The following DCC variants were observed in gnomAD, a reference collection of about 807,000 sequenced individuals.
The protein encoded by DCC is DCC netrin 1 receptor, also known as netrin receptor DCC.
In DCC, 58 loss-of-function variants were observed where a neutral mutation model predicts 172.5. That is an observed-to-expected ratio of 0.34 (90% CI 0.27 to 0.42). The LOEUF (loss-of-function observed/expected upper bound fraction) is 0.42. Among genes scored for constraint, DCC ranks in the 10% least tolerant of loss-of-function variants. DCC has a pLI of 1.00. For missense variants in DCC, 1,740 were observed against 1,791.0 expected (o/e 0.97, Z 0.51); for synonymous variants, 709 against 644.5 (o/e 1.10, Z -1.52).
chr18:52,713,081 C>G (rs887781541), intron 1 of DCC, among the ~76,000 whole-genome samples: 2 of 152,132 alleles, frequency 1.3e-5, no homozygotes, highest in South Asian at 4.1e-4. Flanking sequence ...AGTGCCTAGC[C>G]GGGAAATTTC....
At chr18:52,431,555 A>C (rs1417402614) in intron 1 of DCC, among the ~76,000 whole-genome samples, 1 of 152,126 alleles carries the variant, frequency 6.6e-6, no homozygotes, top group Non-Finnish European at 1.5e-5. Context: ...GAAAAAGAAA[A>C]AAGTATTGTT....
chr18:52,561,396 C>T (rs1568229994), intron 1 of DCC, among the ~76,000 whole-genome samples: 1 of 149,952 alleles, frequency 6.7e-6, no homozygotes, highest in African/African-American at 2.4e-5. Context: ...CACACACACA[C>T]ATATATAAAT....
chr18:52,806,850 A>T (rs1339268488), intron 2 of DCC, among the ~76,000 whole-genome samples: 1 of 152,148 alleles, frequency 6.6e-6, no homozygotes, highest in South Asian at 2.1e-4. Flanking sequence ...AGTCTTAGCC[A>T]GTTTGGTCAT....
chr18:53,107,163 C>G (rs1410673689), intron 7 of DCC, among the ~76,000 whole-genome samples: 2 of 151,710 alleles, frequency 1.3e-5, no homozygotes, highest in East Asian at 3.9e-4. Context: ...AGCCCCTATT[C>G]AAGATGGAGT....
In DCC at chr18:52,751,322, C is replaced by T. The variant is rs138911474; in HGVS notation, c.92-732C>T. ...TACTTTAACTGATTATACTTGCTTC[C>T]TCCCCTCAAGATTCTTAAATGAATT... On this transcript the variant is annotated intron_variant, in intron 1 of 28. Coordinates refer to ENST00000442544, the MANE Select transcript of DCC (RefSeq NM_005215.4). Among the ~76,000 whole-genome samples the T allele has an allele frequency of 8.2e-4, 125 of 152,308 alleles. 1 individual carries two copies. Among genetic ancestry groups the T allele is most frequent in the Non-Finnish European group, 1.1e-3 (74 of 68,010 alleles).
chr18:53,527,528 A>G (rs955950384), intron 28 of DCC, among the ~76,000 whole-genome samples: 1 of 152,048 alleles, frequency 6.6e-6, no homozygotes, highest in Admixed American at 6.6e-5. Context: ...AAATAAAAAA[A>G]TTGAAGGAGT....
chr18:52,491,566 A>T (rs1386906518), intron 1 of DCC, among the ~76,000 whole-genome samples: 1 of 152,144 alleles, frequency 6.6e-6, no homozygotes, highest in Non-Finnish European at 1.5e-5. Flanking sequence ...AGAATGCATT[A>T]TCATGGCGTA....
intron 2 of DCC, among the ~76,000 whole-genome samples, chr18:52,883,629 TG>T (rs1490309248): frequency 2.0e-5 from 3 of 152,058 alleles, no homozygotes; most frequent in Non-Finnish European, 4.4e-5. Flanking sequence ...TTTAATTTTT[TG>T]TTGTTTCTCT....
chr18:53,327,455 C>A (rs943234802), intron 14 of DCC, among the ~76,000 whole-genome samples: 1 of 151,248 alleles, frequency 6.6e-6, no homozygotes, highest in East Asian at 2.0e-4. Context: ...GTTTATGATA[C>A]TTTTGTTTTT....
intron 12 of DCC, among the ~76,000 whole-genome samples, chr18:53,227,844 T>A (rs534895852): frequency 1.3e-5 from 2 of 152,298 alleles, no homozygotes; most frequent in South Asian, 4.1e-4. Context: ...ACAGACCATT[T>A]TGTGTTTTAG....
intron 2 of DCC, among the ~76,000 whole-genome samples, chr18:52,779,976 A>T (rs28701129): frequency 2.0e-5 from 3 of 152,226 alleles, no homozygotes; most frequent in Admixed American, 2.0e-4. Context: ...AATGCATTCA[A>T]TTATAAATTT....
At chr18:52,784,055 C>T (rs956986220) in intron 2 of DCC, among the ~76,000 whole-genome samples, 2 of 151,954 alleles carry the variant, frequency 1.3e-5, no homozygotes, top group Admixed American at 6.6e-5. Context: ...CATATTTGTA[C>T]CTATTGACTA....
chr18:52,580,629 A>G (rs2033523845), intron 1 of DCC, among the ~76,000 whole-genome samples: 1 of 152,222 alleles, frequency 6.6e-6, no homozygotes, highest in African/African-American at 2.4e-5. Context: ...GATTTATCAC[A>G]TCACATAGCT....
intron 1 of DCC, among the ~76,000 whole-genome samples, chr18:52,389,969 C>G (rs1253023653): frequency 6.6e-6 from 1 of 151,968 alleles, no homozygotes; most frequent in South Asian, 2.1e-4. Context: ...GAGTATTATA[C>G]CAATTTTTCA....
intron 2 of DCC, among the ~76,000 whole-genome samples, chr18:52,846,177 T>C (rs72920181): frequency 0.043 from 6,485 of 152,220 alleles, 250 homozygotes; most frequent in East Asian, 0.23. Context: ...AAAAGTACCG[T>C]TAAATTTCTC....
In DCC at chr18:53,245,631, C is replaced by T. The variant is rs542920490; in HGVS notation, c.1911+30034C>T. ...CCTAGGAGTATAATGTTTCTCCTTT[C>T]GATGGTATATTTTTAGGCATGGAGT... On this transcript the variant is annotated intron_variant, in intron 12 of 28. Coordinates refer to ENST00000442544, the MANE Select transcript of DCC (RefSeq NM_005215.4). 2.6e-5 allele frequency among the ~76,000 whole-genome samples: 4 copies of T among 152,116 alleles called. No homozygotes were observed. In the East Asian group the frequency reaches 5.8e-4, roughly 22 times the overall value.
intron 1 of DCC, among the ~76,000 whole-genome samples, chr18:52,592,688 C>T (rs146928589): frequency 6.3e-4 from 96 of 152,320 alleles, no homozygotes; most frequent in African/African-American, 2.1e-3. Flanking sequence ...GGCTGGAGTG[C>T]AGTGGCACGA....
chr18:52,493,129 G>T (rs998491470), intron 1 of DCC, among the ~76,000 whole-genome samples: 14 of 152,032 alleles, frequency 9.2e-5, no homozygotes, highest in African/African-American at 2.9e-4. Flanking sequence ...CCAGCAAATG[G>T]CTGAGATACA....
chr18:53,172,611 C>G (rs4423491), intron 8 of DCC, among the ~76,000 whole-genome samples: 82,491 of 152,018 alleles, frequency 0.54, 23,302 homozygotes, highest in East Asian at 0.73. Context: ...CTTCCTTATA[C>G]ATACCCAAGG....
Sources: gnomAD v4.1 joint callset for allele counts (sites outside exome capture counted in the v4.1 genomes callset) on GRCh38, gnomAD v4.1.1 for gene constraint, MANE v1.5 for transcripts, NCBI Gene and HGNC (gene_info 2026-07-23, HGNC 2026-07-21) for gene names.